The following CNTN4 variants were observed in gnomAD, a reference collection of about 807,000 sequenced individuals.
The protein encoded by CNTN4 is contactin 4.
In CNTN4, 77 loss-of-function variants were observed where a neutral mutation model predicts 122.5. That is an observed-to-expected ratio of 0.63 (90% CI 0.52 to 0.76). The LOEUF (loss-of-function observed/expected upper bound fraction) is 0.76. CNTN4 is among the 30% of genes least tolerant of loss of function. CNTN4 has a pLI of 0.00. For synonymous variants in CNTN4, 512 were observed against 447.0 expected, an observed-to-expected ratio of 1.15 and a Z score of -1.83; for missense variants, 1,256 against 1,259.1, an observed-to-expected ratio of 1.00 and a Z score of 0.04.
At chr3:2,754,060 C>A (rs931594952) in intron 6 of CNTN4, among the ~76,000 whole-genome samples, 2 of 152,102 alleles carry the variant, frequency 1.3e-5, no homozygotes, top group African/African-American at 4.8e-5. Context: ...AACTGTTTAT[C>A]CCCAAGCAGT....
At chr3:2,676,578 G>A (rs2084857209) in intron 4 of CNTN4, among the ~76,000 whole-genome samples, 1 of 152,204 alleles carries the variant, frequency 6.6e-6, no homozygotes, top group African/African-American at 2.4e-5. Context: ...ATGGGAGACA[G>A]CATCATGGAG....
intron 3 of CNTN4, among the ~76,000 whole-genome samples, chr3:2,412,746 G>A (rs1168934212): frequency 6.6e-6 from 1 of 151,380 alleles, no homozygotes; most frequent in Non-Finnish European, 1.5e-5. Context: ...ATATACCTTT[G>A]TAACTGAAAA....
chr3:2,782,465 CTG>C (rs137927481), intron 6 of CNTN4, among the ~76,000 whole-genome samples: 14,416 of 133,022 alleles, frequency 0.11, 686 homozygotes, highest in Middle Eastern at 0.13. Flanking sequence ...CCTTCTTATT[CTG>C]TGTGTGTGTG....
chr3:2,338,346 T>C (rs2044042745), intron 2 of CNTN4, among the ~76,000 whole-genome samples: 1 of 152,174 alleles, frequency 6.6e-6, no homozygotes, highest in African/African-American at 2.4e-5. Flanking sequence ...ATCAAGAAAC[T>C]ATAACATTTT....
chr3:2,561,213 G>T (rs1346742447), intron 3 of CNTN4, among the ~76,000 whole-genome samples: 1 of 152,120 alleles, frequency 6.6e-6, no homozygotes, highest in Non-Finnish European at 1.5e-5. Context: ...AATGCCTGTT[G>T]CTGTCTGTAT....
chr3:2,318,303 A>G (rs546375427), intron 2 of CNTN4, among the ~76,000 whole-genome samples: 46 of 152,226 alleles, frequency 3.0e-4, no homozygotes, highest in African/African-American at 9.9e-4. Flanking sequence ...AGGAAAAGAT[A>G]TATAATATGC....
intron 3 of CNTN4, among the ~76,000 whole-genome samples, chr3:2,552,596 A>G (rs1383222603): frequency 2.6e-5 from 4 of 152,192 alleles, no homozygotes; most frequent in Non-Finnish European, 5.9e-5. Context: ...AAGGCACAGA[A>G]AAGGTGATTT....
At chr3:2,165,777 C>T (rs1349982250) in intron 2 of CNTN4, among the ~76,000 whole-genome samples, 1 of 152,042 alleles carries the variant, frequency 6.6e-6, no homozygotes, top group Non-Finnish European at 1.5e-5. Context: ...TAAGTGAGAT[C>T]ACGCAGTATT....
intron 3 of CNTN4, among the ~76,000 whole-genome samples, chr3:2,399,308 A>C (rs1366830929): frequency 1.3e-5 from 2 of 151,778 alleles, no homozygotes; most frequent in Non-Finnish European, 2.9e-5. Flanking sequence ...CTAGTGTCTT[A>C]TGTTATTTTT....
chr3:2,490,067 T>TAA (rs1245360732), intron 3 of CNTN4, among the ~76,000 whole-genome samples: 4 of 150,138 alleles, frequency 2.7e-5, no homozygotes, highest in Non-Finnish European at 5.9e-5. Context: ...AATTATTATC[T>TAA]CTACCAGGAA....
At chr3:2,169,447 C>T (rs1374349929) in intron 2 of CNTN4, among the ~76,000 whole-genome samples, 2 of 152,096 alleles carry the variant, frequency 1.3e-5, no homozygotes, top group African/African-American at 4.8e-5. Flanking sequence ...GGCTCTGTCA[C>T]TCAGGCTGGA....
chr3:2,376,422 GGT>G (rs1260266923), intron 3 of CNTN4, among the ~76,000 whole-genome samples: 1 of 152,136 alleles, frequency 6.6e-6, no homozygotes, highest in African/African-American at 2.4e-5. Context: ...GAGCACAGAA[GGT>G]GGATGACTTT....
chr3:2,316,163 A>G (rs907113981), intron 2 of CNTN4, among the ~76,000 whole-genome samples: 3 of 152,132 alleles, frequency 2.0e-5, no homozygotes. Flanking sequence ...TTATGGTGAA[A>G]TGAACAAATT....
intron 3 of CNTN4, among the ~76,000 whole-genome samples, chr3:2,537,574 A>G (rs1021703377): frequency 1.3e-5 from 2 of 152,030 alleles, no homozygotes; most frequent in Admixed American, 1.3e-4. Flanking sequence ...TATTTGTCAT[A>G]TGTATCTGCT....
intron 13 of CNTN4, among the ~76,000 whole-genome samples, chr3:2,966,180 A>G (rs1692289377): frequency 6.6e-6 from 1 of 152,212 alleles, no homozygotes; most frequent in African/African-American, 2.4e-5. Flanking sequence ...CTAGTATCAA[A>G]TTTTAAAAAT....
In CNTN4 at chr3:2,465,319, A is replaced by G. The variant is rs563067647; in HGVS notation, c.-88-106097A>G. ...TTTTTGCAGTTGATTTCTCTCTTTT[A>G]AAACTTTTAAATTTCAGCAAAGATC... On this transcript the variant is annotated intron_variant, in intron 3 of 24. Transcript: ENST00000418658. Among the ~76,000 whole-genome samples the G allele has an allele frequency of 3.3e-5, 5 of 152,280 alleles. No homozygotes were observed. In the East Asian group the frequency reaches 7.7e-4, roughly 24 times the overall value.
intron 13 of CNTN4, among the ~76,000 whole-genome samples, chr3:2,961,238 A>G (rs1226010757): frequency 6.9e-6 from 1 of 145,672 alleles, no homozygotes; most frequent in Non-Finnish European, 1.5e-5. Flanking sequence ...TCACAAAAAA[A>G]AAAAAAAAAA....
chr3:2,277,211 C>T (rs1218633932), intron 2 of CNTN4, among the ~76,000 whole-genome samples: 1 of 152,118 alleles, frequency 6.6e-6, no homozygotes, highest in African/African-American at 2.4e-5. Flanking sequence ...GTCTGATAAA[C>T]ATCATTTAAA....
chr3:2,291,788 C>A (rs1048728277), intron 2 of CNTN4, among the ~76,000 whole-genome samples: 1 of 151,952 alleles, frequency 6.6e-6, no homozygotes, highest in Non-Finnish European at 1.5e-5. Context: ...GGCTAGAGGG[C>A]GATGGCAGGA....
Sources: allele counts gnomAD v4.1 joint callset (sites outside exome capture counted in the v4.1 genomes callset), GRCh38; gene constraint gnomAD v4.1.1; transcripts MANE v1.5; gene names NCBI Gene and HGNC (gene_info 2026-07-23, HGNC 2026-07-21).